RORA: variants seen among roughly 807,000 people sequenced by gnomAD.
RORA encodes the protein RAR related orphan receptor A, also known as nuclear receptor ROR-alpha.
RORA carries 7 observed loss-of-function variants against 69.5 expected under a neutral mutation model. The observed-to-expected ratio is 0.10, with a 90% confidence interval of 0.06 to 0.19. The LOEUF (loss-of-function observed/expected upper bound fraction) is 0.19, where lower values mean the gene tolerates loss of function less well. Among genes scored for constraint, RORA ranks in the 10% least tolerant of loss-of-function variants. The probability of loss-of-function intolerance (pLI) is 1.00; values close to 1 mark genes in which losing one functional copy is unlikely to be tolerated. For missense variants in RORA, 457 were observed against 663.0 expected (o/e 0.69, Z 3.41); for synonymous variants, 261 against 240.8 (o/e 1.08, Z -0.78).
rs181650570 is a variant in RORA at position 61,197,964 on chromosome 15, A to T, written c.166+31089T>A. Among the ~76,000 whole-genome samples the T allele has an allele frequency of 3.3e-5, 5 of 152,218 alleles. No individual in the cohort carries two copies. In the East Asian group the frequency reaches 9.7e-4, roughly 30 times the overall value. ...CTGCTTGTTTTGTGTGGTATCAGGG[A>T]CATATTCCACAAGGATGTGAGTAGA... On this transcript the variant is annotated intron_variant, in intron 1 of 10. Coordinates refer to ENST00000335670, the MANE Select transcript of RORA (RefSeq NM_134261.3).
intron 1 of RORA, among the ~76,000 whole-genome samples, chr15:60,949,785 A>G (rs377505421): frequency 5.9e-5 from 9 of 152,190 alleles, no homozygotes; most frequent in African/African-American, 2.2e-4. Flanking sequence ...CACTTGGTTT[A>G]TAAGTGAAAT....
chr15:60,952,110 T>A (rs1425285287), intron 1 of RORA, among the ~76,000 whole-genome samples: 1 of 150,980 alleles, frequency 6.6e-6, no homozygotes, highest in Admixed American at 6.6e-5. Context: ...GTGGGCTTCA[T>A]CCCTGGGATG....
chr15:60,939,284 C>A (rs187551417), intron 1 of RORA, among the ~76,000 whole-genome samples: 4 of 152,276 alleles, frequency 2.6e-5, no homozygotes, highest in African/African-American at 9.6e-5. Flanking sequence ...GGTAGCCCTG[C>A]CTCTCAGGTC....
chr15:61,092,009 T>TATAAATAAAGCTAAAGATA (rs2078715011), intron 1 of RORA, among the ~76,000 whole-genome samples: 1 of 152,200 alleles, frequency 6.6e-6, no homozygotes, highest in Non-Finnish European at 1.5e-5. Flanking sequence ...AGTCAAACAA[T>TATAAATAAAGCTAAAGATA]TGAACAAACC....
intron 1 of RORA, among the ~76,000 whole-genome samples, chr15:61,205,047 C>A (rs890655189): frequency 2.6e-5 from 4 of 152,234 alleles, no homozygotes; most frequent in African/African-American, 7.2e-5. Flanking sequence ...CCCAAAATAT[C>A]AACGTGTCAT....
chr15:60,717,235 G>T (rs916075193), intron 1 of RORA, among the ~76,000 whole-genome samples: 6 of 152,194 alleles, frequency 3.9e-5, no homozygotes, highest in Non-Finnish European at 1.5e-5. Flanking sequence ...GTTGATTATT[G>T]TTGTGGTGGT....
intron 1 of RORA, among the ~76,000 whole-genome samples, chr15:61,179,129 C>T (rs1448715881): frequency 6.6e-6 from 1 of 152,186 alleles, no homozygotes; most frequent in East Asian, 1.9e-4. Flanking sequence ...TTCAAGGCAC[C>T]TCCAGGATTC....
intron 2 of RORA, among the ~76,000 whole-genome samples, chr15:60,646,607 T>A (rs1484960475): frequency 2.0e-5 from 3 of 152,194 alleles, no homozygotes; most frequent in Non-Finnish European, 2.9e-5. Flanking sequence ...GGCACCACTG[T>A]CCCCCAATAC....
At chr15:60,606,624 G>A (rs76445357) in intron 2 of RORA, among the ~76,000 whole-genome samples, 1,877 of 152,196 alleles carry the variant, frequency 0.012, 45 homozygotes, top group African/African-American at 0.044. Flanking sequence ...GAGGCACTAC[G>A]TGAAATGTTT....
At chr15:61,141,417 T>C (rs1285992430) in intron 1 of RORA, among the ~76,000 whole-genome samples, 1 of 152,132 alleles carries the variant, frequency 6.6e-6, no homozygotes, top group African/African-American at 2.4e-5. Flanking sequence ...CACAATTGCT[T>C]AGGACTAGCG....
At chr15:60,641,857 T>C (rs747181688) in intron 2 of RORA, among the ~76,000 whole-genome samples, 1 of 152,182 alleles carries the variant, frequency 6.6e-6, no homozygotes, top group Non-Finnish European at 1.5e-5. Context: ...ACTTCGGGTA[T>C]CTGCTTTAAT....
At chr15:61,038,316 A>G (rs1243934331) in intron 1 of RORA, among the ~76,000 whole-genome samples, 1 of 151,984 alleles carries the variant, frequency 6.6e-6, no homozygotes, top group Admixed American at 6.6e-5. Context: ...TTTCTACTTG[A>G]CTATAATCAT....
intron 1 of RORA, among the ~76,000 whole-genome samples, chr15:60,904,305 T>C (rs1404850425): frequency 6.6e-6 from 1 of 152,178 alleles, no homozygotes; most frequent in African/African-American, 2.4e-5. Flanking sequence ...AGAGAGTCTT[T>C]TCCCTCAATG....
intron 1 of RORA, among the ~76,000 whole-genome samples, chr15:60,733,438 C>A (rs1266130095): frequency 6.6e-6 from 1 of 152,172 alleles, no homozygotes; most frequent in Non-Finnish European, 1.5e-5. Flanking sequence ...CCAGACTTCA[C>A]TGAAGAGTGA....
At chr15:60,823,666 T>C (rs1197910612) in intron 1 of RORA, among the ~76,000 whole-genome samples, 4 of 152,250 alleles carry the variant, frequency 2.6e-5, no homozygotes, top group Non-Finnish European at 5.9e-5. Flanking sequence ...GCATATGTAA[T>C]AGGCACTTTA....
intron 1 of RORA, among the ~76,000 whole-genome samples, chr15:60,710,798 C>A (rs1158208078): frequency 6.6e-6 from 1 of 152,184 alleles, no homozygotes; most frequent in African/African-American, 2.4e-5. Flanking sequence ...CTGCTTACTA[C>A]ACTGGTCCCA....
At chr15:60,738,815 G>A (rs2071536341) in intron 1 of RORA, among the ~76,000 whole-genome samples, 2 of 152,202 alleles carry the variant, frequency 1.3e-5, no homozygotes, top group African/African-American at 2.4e-5. Context: ...GTTGCTGGCA[G>A]GGCCATGCTT....
At chr15:61,125,547 G>A (rs887916046) in intron 1 of RORA, among the ~76,000 whole-genome samples, 2 of 152,162 alleles carry the variant, frequency 1.3e-5, no homozygotes, top group Non-Finnish European at 2.9e-5. Context: ...AGATCACAAT[G>A]AATATGTTAT....
chr15:61,091,601 C>T (rs183848157), intron 1 of RORA, among the ~76,000 whole-genome samples: 135 of 152,262 alleles, frequency 8.9e-4, no homozygotes, highest in Admixed American at 3.9e-3. Flanking sequence ...TTATTCCACC[C>T]GACTTCCTCA....
Sources: gnomAD v4.1 joint callset for allele counts (sites outside exome capture counted in the v4.1 genomes callset) on GRCh38, gnomAD v4.1.1 for gene constraint, MANE v1.5 for transcripts, NCBI Gene and HGNC (gene_info 2026-07-23, HGNC 2026-07-21) for gene names.